The following CMSS1 variants were observed in gnomAD, a reference collection of about 807,000 sequenced individuals.
CMSS1 encodes the protein protein CMSS1.
Under a neutral mutation model 43.5 loss-of-function variants are expected in CMSS1, and 33 were observed. The observed-to-expected ratio is 0.76, with a 90% confidence interval of 0.57 to 1.01. The LOEUF (loss-of-function observed/expected upper bound fraction) is 1.01. CMSS1 is among the 50% of genes least tolerant of loss of function. The pLI, the probability that CMSS1 is intolerant of heterozygous loss-of-function variation, is 0.00. For missense variants in CMSS1, 313 were observed against 326.4 expected, an observed-to-expected ratio of 0.96 and a Z score of 0.32; for synonymous variants, 115 against 117.2, an observed-to-expected ratio of 0.98 and a Z score of 0.12.
At chr3:99,889,185 ATAAC>A (rs983191799) in intron 1 of CMSS1, among the ~76,000 whole-genome samples, 11 of 152,094 alleles carry the variant, frequency 7.2e-5, no homozygotes, top group Non-Finnish European at 1.3e-4. Context: ...TGGTTTATTA[ATAAC>A]TAACAAGGAT....
At chr3:100,140,838 AGT>A (rs2066798461) in intron 1 of CMSS1, among the ~76,000 whole-genome samples, 1 of 152,154 alleles carries the variant, frequency 6.6e-6, no homozygotes, top group South Asian at 2.1e-4. Context: ...ATATGAAAGA[AGT>A]TATTTTAAAT....
chr3:100,159,859 G>C (rs912035328), intron 2 of CMSS1: 1 of 456,520 alleles, frequency 2.2e-6, no homozygotes, highest in Non-Finnish European at 4.4e-6. Context: ...TAGTAGCAAA[G>C]ACATTCATTT....
intron 1 of CMSS1, among the ~76,000 whole-genome samples, chr3:99,974,311 A>G (rs1373746721): frequency 2.0e-5 from 3 of 152,180 alleles, no homozygotes; most frequent in African/African-American, 7.2e-5. Flanking sequence ...TGCAGTTTTT[A>G]GAAGGGATCA....
chr3:100,026,818 T>C (rs2064930498), intron 1 of CMSS1, among the ~76,000 whole-genome samples: 1 of 152,128 alleles, frequency 6.6e-6, no homozygotes, highest in Non-Finnish European at 1.5e-5. Context: ...ATTCTTTCTC[T>C]CCTGCAGCCA....
At chr3:100,002,147 G>C (rs1387262663) in intron 1 of CMSS1, among the ~76,000 whole-genome samples, 1 of 152,186 alleles carries the variant, frequency 6.6e-6, no homozygotes, top group Non-Finnish European at 1.5e-5. Flanking sequence ...ACAGACCTGT[G>C]TCTCTAATGA....
intron 1 of CMSS1, among the ~76,000 whole-genome samples, chr3:99,873,124 TGTG>T (rs1321463114): frequency 2.6e-5 from 4 of 152,146 alleles, no homozygotes; most frequent in African/African-American, 9.7e-5. Flanking sequence ...TAGAAAATGT[TGTG>T]GTGATGACAG....
At chr3:100,009,574 G>T (rs1314190109) in intron 1 of CMSS1, among the ~76,000 whole-genome samples, 1 of 152,130 alleles carries the variant, frequency 6.6e-6, no homozygotes, top group Admixed American at 6.5e-5. Flanking sequence ...AATTTCCCCA[G>T]GTTGTTAATC....
intron 1 of CMSS1, among the ~76,000 whole-genome samples, chr3:100,119,022 T>C (rs954549497): frequency 3.9e-5 from 6 of 152,176 alleles, no homozygotes; most frequent in African/African-American, 1.4e-4. Flanking sequence ...AGCTTCGGTT[T>C]CCTCCTCTGT....
At chr3:100,033,446 G>A (rs896672085) in intron 1 of CMSS1, among the ~76,000 whole-genome samples, 4 of 152,134 alleles carry the variant, frequency 2.6e-5, no homozygotes, top group African/African-American at 9.7e-5. Context: ...AGAGCTTTGT[G>A]TTATCTTCTT....
chr3:99,867,378 T>C (rs1046956950), intron 1 of CMSS1, among the ~76,000 whole-genome samples: 7 of 152,196 alleles, frequency 4.6e-5, no homozygotes, highest in African/African-American at 1.7e-4. Context: ...TGATTTGAAT[T>C]TTAAGAGAAG....
At chr3:99,916,982 G>A (rs1706973480) in intron 1 of CMSS1, among the ~76,000 whole-genome samples, 1 of 152,112 alleles carries the variant, frequency 6.6e-6, no homozygotes, top group Non-Finnish European at 1.5e-5. Flanking sequence ...TCACTTATGA[G>A]GCAAAAATTT....
At chr3:99,980,374 G>A (rs1388292395) in intron 1 of CMSS1, among the ~76,000 whole-genome samples, 1 of 152,116 alleles carries the variant, frequency 6.6e-6, no homozygotes, top group African/African-American at 2.4e-5. Flanking sequence ...GAATTTTTCA[G>A]TTTGGGGAAA....
intron 1 of CMSS1, among the ~76,000 whole-genome samples, chr3:99,893,001 C>A (rs1257759830): frequency 6.6e-6 from 1 of 152,110 alleles, no homozygotes; most frequent in Non-Finnish European, 1.5e-5. Flanking sequence ...GTGATCAGGA[C>A]AGTGACTGGA....
intron 1 of CMSS1, among the ~76,000 whole-genome samples, chr3:99,870,575 G>A (rs1391675070): frequency 1.3e-5 from 2 of 152,140 alleles, no homozygotes; most frequent in South Asian, 2.1e-4. Context: ...GCTATAGCTG[G>A]GTTAGTGACA....
chr3:100,062,085 G>GTCT (rs2065576786), intron 1 of CMSS1, among the ~76,000 whole-genome samples: 3 of 94,552 alleles, frequency 3.2e-5, no homozygotes, highest in Admixed American at 1.1e-4. Flanking sequence ...TGGTTATCCT[G>GTCT]TCTTCTTCTT....
At position 100,178,702 on chromosome 3, in the gene CMSS1, A is replaced by G; in HGVS notation, c.*314A>G. On this transcript the variant is annotated 3_prime_UTR_variant, in exon 10 of 10. Coordinates refer to ENST00000421999, the MANE Select transcript of CMSS1 (RefSeq NM_032359.4). ...CAGCTGGGTGACCTTAGGCAAGCGT[A>G]AGGTCTTGCCTCTCTGAGCCCCATC... 4.4e-6 allele frequency: 1 copy of G among 229,704 alleles called. No homozygotes were observed. The highest frequency in any genetic ancestry group is 5.1e-5 in the Admixed American group (1 of 19,528). 14.2% of individuals were successfully genotyped at this position (229,704 alleles called of 1,614,324 possible).
chr3:99,911,659 G>A, intron 1 of CMSS1, among the ~76,000 whole-genome samples: 1 of 152,104 alleles, frequency 6.6e-6, no homozygotes, highest in Admixed American at 6.6e-5. Flanking sequence ...GCTAATTGCT[G>A]CCTGCTGGGA....
intron 1 of CMSS1, among the ~76,000 whole-genome samples, chr3:99,854,548 CT>C (rs2107537592): frequency 6.6e-6 from 1 of 152,278 alleles, no homozygotes; most frequent in Non-Finnish European, 1.5e-5. Flanking sequence ...GCCAGGGTTT[CT>C]CCATCTTCAG....
intron 1 of CMSS1, among the ~76,000 whole-genome samples, chr3:100,129,623 A>G (rs1255603381): frequency 1.3e-5 from 2 of 152,114 alleles, no homozygotes; most frequent in Non-Finnish European, 2.9e-5. Context: ...TTTTTTGTCT[A>G]TTACCTGTTT....
Sources: allele counts gnomAD v4.1 joint callset (sites outside exome capture counted in the v4.1 genomes callset), GRCh38; gene constraint gnomAD v4.1.1; transcripts MANE v1.5; gene names NCBI Gene and HGNC (gene_info 2026-07-23, HGNC 2026-07-21).